Variants in P2RX7 observed in about 807,000 individuals in gnomAD.
P2RX7 encodes purinergic receptor P2X 7.
Under a neutral mutation model 71.6 loss-of-function variants are expected in P2RX7, and 62 were observed. That is an observed-to-expected ratio of 0.87 (90% confidence interval 0.71 to 1.07). The LOEUF is 1.07. P2RX7 is among the 50% of genes least tolerant of loss of function. The pLI is 0.00. For synonymous variants in P2RX7, 299 were observed against 283.3 expected (o/e 1.06, Z -0.56); for missense variants, 686 against 748.5 (o/e 0.92, Z 0.97).
intron 8 of P2RX7, among the ~76,000 whole-genome samples, chr12:121,173,235 G>A (rs1882516562): frequency 6.6e-6 from 1 of 152,184 alleles, no homozygotes; most frequent in South Asian, 2.1e-4. Flanking sequence ...ACTCAGGCCG[G>A]AGTGCAGTGG....
intron 5 of P2RX7, among the ~76,000 whole-genome samples, chr12:121,163,573 A>ATAG (rs1565958715): frequency 4.2e-5 from 4 of 94,200 alleles, no homozygotes; most frequent in Non-Finnish European, 6.5e-5. Flanking sequence ...TAGATAGATA[A>ATAG]ATAGATAATA....
At chr12:121,166,275 T>G in intron 7 of P2RX7, 88 bp downstream of exon 7, 2 of 1,391,204 alleles carry the variant, frequency 1.4e-6, no homozygotes, top group Non-Finnish European at 2.0e-6. Context: ...CCACTGGGTC[T>G]TCATAATGTG....
At chr12:121,181,751 GGA>G (rs1009535152) in intron 12 of P2RX7, among the ~76,000 whole-genome samples, 9 of 152,138 alleles carry the variant, frequency 5.9e-5, no homozygotes, top group African/African-American at 2.2e-4. Flanking sequence ...CAGCCACTCA[GGA>G]GGCTGAGGCA....
In P2RX7 at chr12:121,170,079, C is replaced by A. The variant is rs1881874393; in HGVS notation, c.881+2455C>A. ...AGACGTTTGAGTTTGAAACCCTTGA[C>A]TCAAAGGCGGGCTGATGCTTTTTGC... On this transcript the variant is annotated intron_variant, in intron 8 of 12. Coordinates refer to ENST00000328963, the MANE Select transcript of P2RX7 (RefSeq NM_002562.6). Among the ~76,000 whole-genome samples, 3 of 152,278 alleles carry A rather than the reference C, an allele frequency of 2.0e-5. No homozygotes were observed. The South Asian group carries it at 6.2e-4, about 32-fold the overall frequency.
At chr12:121,158,408 C>A (rs1057468524) in intron 3 of P2RX7, among the ~76,000 whole-genome samples, 1 of 152,166 alleles carries the variant, frequency 6.6e-6, no homozygotes, top group African/African-American at 2.4e-5. Flanking sequence ...CTCTGGGAAC[C>A]CCTAAGAGTT....
intron 1 of P2RX7, among the ~76,000 whole-genome samples, chr12:121,141,688 C>G (rs775680966): frequency 6.6e-6 from 1 of 152,114 alleles, no homozygotes; most frequent in African/African-American, 2.4e-5. Flanking sequence ...AAATATAACA[C>G]CTACTGAGTA....
chr12:121,163,570 ATAAATAGATAATAGATAGATAGACAGG>A (rs1366867028), intron 5 of P2RX7, among the ~76,000 whole-genome samples: 1 of 104,050 alleles, frequency 9.6e-6, no homozygotes, highest in Admixed American at 1.0e-4. Context: ...AGATAGATAG[ATAAATAGATAATAGATAGATAGACAGG>A]TAGATAGATA....
At position 121,185,121 on chromosome 12, in the gene P2RX7, C is replaced by A; in HGVS notation, c.*319C>A. 1 of 223,014 alleles carries A rather than the reference C, an allele frequency of 4.5e-6. No individual in the cohort carries two copies. The allele number at this position is 223,014 out of a possible 1,614,324, so 13.8% of individuals were successfully genotyped here. ...GAGTCCTTACCAATAGCAGGGGCTG[C>A]AGTAGCCATGTTAACATGACATTTA... On this transcript the variant is annotated 3_prime_UTR_variant, in exon 13 of 13. Coordinates refer to ENST00000328963, the MANE Select transcript of P2RX7 (RefSeq NM_002562.6).
At chr12:121,175,245 AG>A (rs1278958803) in intron 8 of P2RX7, 142 bp from the exon 9 acceptor site, 1 of 550,734 alleles carries the variant, frequency 1.8e-6, no homozygotes, top group African/African-American at 2.0e-5. Context: ...TAGCAAGTCA[AG>A]GCTGCAGTGA....
chr12:121,153,560 C>G (rs1877919206), intron 1 of P2RX7, among the ~76,000 whole-genome samples: 1 of 152,134 alleles, frequency 6.6e-6, no homozygotes, highest in Non-Finnish European at 1.5e-5. Flanking sequence ...CGCCTGTAAT[C>G]CCAGCTACTC....
intron 2 of P2RX7, among the ~76,000 whole-genome samples, chr12:121,155,562 C>T (rs538615057): frequency 4.6e-5 from 7 of 152,144 alleles, no homozygotes; most frequent in African/African-American, 1.2e-4. Flanking sequence ...CAAAGGGGCA[C>T]GTTTGCGGCT....
At chr12:121,134,926 T>C (rs1254752986) in intron 1 of P2RX7, among the ~76,000 whole-genome samples, 1 of 152,008 alleles carries the variant, frequency 6.6e-6, no homozygotes, top group Non-Finnish European at 1.5e-5. Flanking sequence ...TCTCTGAGCC[T>C]CAGTTTCTGC....
chr12:121,144,561 G>A (rs892897930), intron 1 of P2RX7, among the ~76,000 whole-genome samples: 2 of 152,186 alleles, frequency 1.3e-5, no homozygotes, highest in Admixed American at 6.6e-5. Flanking sequence ...CTTACCCAAG[G>A]TCATGTAGTC....
At chr12:121,133,246 A>G (rs1218484945) in intron 1 of P2RX7, 151 bp downstream of exon 1, 26 of 859,740 alleles carry the variant, frequency 3.0e-5, no homozygotes, top group Non-Finnish European at 4.5e-5. Context: ...GGGAGGAAGC[A>G]GCAGCAGGCA....
chr12:121,177,457 T>G lies in P2RX7; in HGVS notation c.1188+11T>G. The G allele has an allele frequency of 1.2e-6, 2 of 1,612,218 alleles. No individual in the cohort carries two copies. Among genetic ancestry groups the G allele is most frequent in the Non-Finnish European group, 1.7e-6 (2 of 1,179,514 alleles). ...GTGGAGCCAAAGCCGGTGAGGCCGC[T>G]GTGTTCACAGGACACCAAGACATGG... On this transcript the variant is annotated intron_variant, in intron 11 of 12. Transcript: ENST00000328963.
At chr12:121,170,369 A>G (rs1400861353) in intron 8 of P2RX7, among the ~76,000 whole-genome samples, 1 of 152,100 alleles carries the variant, frequency 6.6e-6, no homozygotes, top group East Asian at 1.9e-4. Context: ...TCCTGGAGAG[A>G]CCTGAGCCCT....
chr12:121,173,335 G>A (rs1167435963), intron 8 of P2RX7, among the ~76,000 whole-genome samples: 2 of 152,104 alleles, frequency 1.3e-5, no homozygotes, highest in East Asian at 3.9e-4. Flanking sequence ...ACAGGCGTCT[G>A]CCACCACATC....
rs1195721105 is a variant in P2RX7, at chr12:121,162,446, A to G, written c.459A>G (p.Val153=). Residue 153 remains valine, a synonymous_variant, in exon 5 of 13, where the codon GTA becomes GTG. Coordinates refer to ENST00000328963, the MANE Select transcript of P2RX7 (RefSeq NM_002562.6). Reference sequence around the variant, plus strand: ...TAGGAATTCAGACCGGAAGGTGTGTAGTGTATGAAGGGAACCAGAAGACCT... The same window carrying G: ...TAGGAATTCAGACCGGAAGGTGTGTGGTGTATGAAGGGAACCAGAAGACCT... ...QSKGIQTGRC[V]VYEGNQKTCE... The G allele has an allele frequency of 4.3e-6, 7 of 1,613,846 alleles. No homozygotes were observed. The highest frequency in any genetic ancestry group is 4.0e-5 in the African/African-American group (3 of 74,912).
In P2RX7 at chr12:121,165,340, G is replaced by T. The variant is rs1420170484; in HGVS notation, c.534-17G>T. On this transcript the variant is annotated splice_polypyrimidine_tract_variant and intron_variant, in intron 5 of 12. Transcript: ENST00000328963. ...TCCCCCCGTCACTAATGGCCATTTTGCATGTCTCTCTCCCAGGCCTGCTCT... is the reference window on the plus strand; with the variant it reads ...TCCCCCCGTCACTAATGGCCATTTTTCATGTCTCTCTCCCAGGCCTGCTCT... 1 of 1,610,788 alleles carries T rather than the reference G, an allele frequency of 6.2e-7. No individual in the cohort carries two copies. The highest frequency in any genetic ancestry group is 2.2e-5 in the East Asian group (1 of 44,848).
Sources: allele counts gnomAD v4.1 joint callset (sites outside exome capture counted in the v4.1 genomes callset), GRCh38; gene constraint gnomAD v4.1.1; transcripts MANE v1.5; gene names NCBI Gene and HGNC (gene_info 2026-07-23, HGNC 2026-07-21).